Variants in SLC9B1 observed in about 807,000 individuals in gnomAD.
SLC9B1 encodes sodium/hydrogen exchanger 9B1.
SLC9B1 carries 32 observed loss-of-function variants against 51.7 expected under a neutral mutation model. That is an observed-to-expected ratio of 0.62 (90% CI 0.47 to 0.83). The LOEUF (loss-of-function observed/expected upper bound fraction) is 0.83, where lower values mean the gene tolerates loss of function less well. Among genes scored for constraint, SLC9B1 ranks in the 40% least tolerant of loss-of-function variants. The pLI is 0.00. For synonymous variants in SLC9B1, 145 were observed against 212.7 expected (o/e 0.68, Z 2.77); for missense variants, 406 against 613.2 (o/e 0.66, Z 3.57).
chr4:102,987,096 A>G (rs1739664332), intron 3 of SLC9B1, among the ~76,000 whole-genome samples: 1 of 152,138 alleles, frequency 6.6e-6, no homozygotes, highest in Non-Finnish European at 1.5e-5. Context: ...ATGTGGTGAT[A>G]AGGTGTGTGT....
intron 6 of SLC9B1, among the ~76,000 whole-genome samples, chr4:102,938,144 C>T (rs371854385): frequency 3.3e-5 from 5 of 152,134 alleles, no homozygotes; most frequent in African/African-American, 7.2e-5. Context: ...TCATATGCAA[C>T]GATACCCATT....
intron 1 of SLC9B1, among the ~76,000 whole-genome samples, chr4:102,996,745 C>A (rs773112012): frequency 3.9e-5 from 6 of 151,932 alleles, no homozygotes; most frequent in African/African-American, 9.7e-5. Context: ...TATCCTGTTC[C>A]ACTGGCCCAT....
At chr4:102,921,779 G>T (rs919493041) in intron 7 of SLC9B1, among the ~76,000 whole-genome samples, 2 of 152,126 alleles carry the variant, frequency 1.3e-5, no homozygotes, top group African/African-American at 4.8e-5. Context: ...TGATAAAACA[G>T]ACTTTAAACC....
intron 3 of SLC9B1, among the ~76,000 whole-genome samples, chr4:102,987,515 G>A (rs1739694616): frequency 2.6e-5 from 4 of 152,132 alleles, no homozygotes; most frequent in Non-Finnish European, 5.9e-5. Context: ...TCAGATCTAA[G>A]TTGGTTAGGC....
intron 3 of SLC9B1, among the ~76,000 whole-genome samples, chr4:102,981,777 C>A (rs949636105): frequency 6.6e-6 from 1 of 152,092 alleles, no homozygotes; most frequent in Admixed American, 6.6e-5. Flanking sequence ...ATGTCCTTTG[C>A]AAATATTTTC....
chr4:102,949,154 T>C (rs931822531), intron 4 of SLC9B1, 103 bp downstream of exon 4: 1 of 985,096 alleles, frequency 1.0e-6, no homozygotes, highest in African/African-American at 1.7e-5. Flanking sequence ...ATATAAAACA[T>C]ACTACATTGA....
intron 11 of SLC9B1, chr4:102,890,513 G>T (rs1254147386): frequency 6.6e-6 from 1 of 152,122 alleles, no homozygotes; most frequent in Non-Finnish European, 1.5e-5. Context: ...GACCAGGGGA[G>T]ATGTTACTAA....
At chr4:102,928,499 GTCT>G (rs1159630777) in intron 7 of SLC9B1, among the ~76,000 whole-genome samples, 1 of 152,100 alleles carries the variant, frequency 6.6e-6, no homozygotes, top group East Asian at 1.9e-4. Context: ...ACATCTTCTG[GTCT>G]TCTTCTGAGT....
chr4:102,943,763 A>G (rs1487396470), intron 6 of SLC9B1, among the ~76,000 whole-genome samples: 1 of 152,156 alleles, frequency 6.6e-6, no homozygotes, highest in African/African-American at 2.4e-5. Context: ...GAGGAGGGTG[A>G]GCGATAAAAG....
chr4:102,897,832 T>C (rs1214490881), downstream of SLC9B1: 1 of 411,692 alleles, frequency 2.4e-6, no homozygotes, highest in East Asian at 6.4e-5. Flanking sequence ...CCGCTACTGC[T>C]ACTACAGATA....
At chr4:102,994,133 AC>A (rs1216158309) in intron 1 of SLC9B1, among the ~76,000 whole-genome samples, 1 of 151,866 alleles carries the variant, frequency 6.6e-6, no homozygotes, top group African/African-American at 2.4e-5. Context: ...TTGAAATTCT[AC>A]CCCCTTCCCC....
chr4:102,902,080 C>T (rs528888083), intron 11 of SLC9B1, among the ~76,000 whole-genome samples: 4 of 152,250 alleles, frequency 2.6e-5, no homozygotes, highest in African/African-American at 7.2e-5. Context: ...TTGAAGTTTT[C>T]GTTTTAGAAT....
At chr4:102,976,717 A>C (rs1739090299) in intron 3 of SLC9B1, among the ~76,000 whole-genome samples, 2 of 152,262 alleles carry the variant, frequency 1.3e-5, no homozygotes, top group South Asian at 4.1e-4. Flanking sequence ...ACGTGAAGTC[A>C]AGAGCACATT....
chr4:102,955,175 C>A (rs1052483356), intron 3 of SLC9B1, among the ~76,000 whole-genome samples: 2 of 147,286 alleles, frequency 1.4e-5, no homozygotes, highest in African/African-American at 2.4e-5. Flanking sequence ...GGGGGTGGTT[C>A]CCCCCATACT....
chr4:102,999,377 A>G (rs1206612835), intron 1 of SLC9B1, among the ~76,000 whole-genome samples: 1 of 152,172 alleles, frequency 6.6e-6, no homozygotes, highest in African/African-American at 2.4e-5. Context: ...TGCCAAATCC[A>G]ATATCATGAA....
At chr4:102,949,192 C>T in intron 4 of SLC9B1, 65 bp downstream of exon 4, 2 of 1,267,156 alleles carry the variant, frequency 1.6e-6, no homozygotes, top group Admixed American at 4.9e-5. Context: ...ACTAATTCAA[C>T]AAGAAAATGT....
Position 102,949,422 on chromosome 4 carries a change from T to TAA in SLC9B1, c.215_216dup (p.Ile73LeufsTer5), listed in dbSNP as rs1273322676. The TAA allele has an allele frequency of 6.3e-7, 1 of 1,578,630 alleles. No individual in the cohort carries two copies. The highest frequency in any genetic ancestry group is 1.4e-5 in the African/African-American group (1 of 72,928). ...GTCATACACCATATCACAAACAGTA[T>TAA]AACTCCTGAAATACAAAAAAGTGTA... On this transcript the variant is annotated frameshift_variant, in exon 4 of 12. Transcript: ENST00000296422. LOFTEE classifies it high-confidence loss of function.
Position 102,965,491 on chromosome 4 carries a change from T to C in SLC9B1, c.212-16064A>G, listed in dbSNP as rs558294278. 5.9e-5 allele frequency among the ~76,000 whole-genome samples: 9 copies of C among 152,294 alleles called. No individual in the cohort carries two copies. In the South Asian group the frequency reaches 1.7e-3, roughly 28 times the overall value. ...CATGAGAGCAAGAACTCACTCACTA[T>C]ATGAGGACTGCACCAAGCTGCTCAA... On this transcript the variant is annotated intron_variant, in intron 3 of 11. Coordinates refer to ENST00000296422, the MANE Select transcript of SLC9B1 (RefSeq NM_139173.4).
chr4:103,008,875 C>A (rs1417011014), intron 1 of SLC9B1, among the ~76,000 whole-genome samples: 2 of 147,842 alleles, frequency 1.4e-5, no homozygotes, highest in Non-Finnish European at 3.0e-5. Context: ...TCTCGACTCA[C>A]GGCAACCTCC....
Sources: allele counts gnomAD v4.1 joint callset (sites outside exome capture counted in the v4.1 genomes callset), GRCh38; gene constraint gnomAD v4.1.1; transcripts MANE v1.5; gene names NCBI Gene and HGNC (gene_info 2026-07-23, HGNC 2026-07-21).